The following ITGB1 variants were observed in gnomAD, a reference collection of about 807,000 sequenced individuals.
The protein encoded by ITGB1 is integrin beta-1.
Under a neutral mutation model 86.5 loss-of-function variants are expected in ITGB1, and 24 were observed. The ratio of observed to expected loss-of-function variants is 0.28; its 90% CI spans 0.20 to 0.39. ITGB1 has a LOEUF of 0.39. Ranked by LOEUF, ITGB1 falls within the 10% of genes least tolerant of loss-of-function variation. The pLI is 1.00. For synonymous variants in ITGB1, 323 were observed against 316.8 expected, an observed-to-expected ratio of 1.02 and a Z score of -0.21; for missense variants, 556 against 946.9, an observed-to-expected ratio of 0.59 and a Z score of 5.42.
chr10:32,914,421 T>A (rs995636742), intron 11 of ITGB1, among the ~76,000 whole-genome samples: 13 of 151,922 alleles, frequency 8.6e-5, no homozygotes, highest in African/African-American at 3.1e-4. Context: ...AGGAGACCCA[T>A]CTCACGTGCA....
Position 32,917,271 on chromosome 10 carries a change from C to T in ITGB1, c.1469+2614G>A, listed in dbSNP as rs2094934832. 3.3e-5 allele frequency among the ~76,000 whole-genome samples: 5 copies of T among 152,332 alleles called. No homozygotes were observed. In the South Asian group the frequency reaches 1.0e-3, roughly 32 times the overall value. On this transcript the variant is annotated intron_variant, in intron 11 of 15. Coordinates refer to ENST00000302278, the MANE Select transcript of ITGB1 (RefSeq NM_002211.4). Reference sequence around the variant, plus strand: ...AAAATCTAGGCAATACCATTCAGGACATAGGCATAGGCAAGGACTTCATGA... The same window carrying T: ...AAAATCTAGGCAATACCATTCAGGATATAGGCATAGGCAAGGACTTCATGA...
intron 1 of ITGB1, chr10:32,944,686 C>T (rs2095027151): frequency 1.5e-6 from 1 of 663,100 alleles, no homozygotes; most frequent in Non-Finnish European, 2.9e-6. Flanking sequence ...AGGCAGAAGC[C>T]CTAGACTAAG....
chr10:32,957,404 C>T (rs1429469496), intron 1 of ITGB1, among the ~76,000 whole-genome samples: 14 of 152,214 alleles, frequency 9.2e-5, no homozygotes, highest in African/African-American at 3.4e-4. Flanking sequence ...GGTCTGAGCA[C>T]AAGCTGGCCA....
chr10:32,905,823 G>A (rs569253057), intron 15 of ITGB1, among the ~76,000 whole-genome samples: 14 of 152,334 alleles, frequency 9.2e-5, no homozygotes, highest in African/African-American at 3.4e-4. Flanking sequence ...GGTAGGCAGT[G>A]AGAAAAGCAG....
chr10:32,926,108 TCCTGC>T lies in ITGB1; in HGVS notation c.548-4_548del. 6.2e-7 allele frequency: 1 copy of T among 1,606,212 alleles called. No individual in the cohort carries two copies. On this transcript the variant is annotated splice_acceptor_variant and splice_polypyrimidine_tract_variant and coding_sequence_variant and intron_variant, in exon 6 of 16. Transcript: ENST00000302278. LOFTEE classifies it high-confidence loss of function. ...CAGTCTTTTCCACAAATGAGCCAAA[TCCTGC>T]CAAGAAAAAAATGGTACATAAATGA...
chr10:32,903,900 C>T (rs1160329894), intron 15 of ITGB1, among the ~76,000 whole-genome samples: 1 of 151,266 alleles, frequency 6.6e-6, no homozygotes, highest in African/African-American at 2.4e-5. Flanking sequence ...CTACACATTC[C>T]TTCAAATATG....
chr10:32,913,681 G>T (rs991892329), intron 11 of ITGB1, among the ~76,000 whole-genome samples: 24 of 152,174 alleles, frequency 1.6e-4, no homozygotes, highest in Middle Eastern at 3.2e-3. Context: ...AGACCAAATC[G>T]ATGTCTGATT....
At chr10:32,948,970 T>TAAAAAAAAAAAAAA (rs1565834469) in intron 1 of ITGB1, among the ~76,000 whole-genome samples, 11 of 64,632 alleles carry the variant, frequency 1.7e-4, no homozygotes, top group Non-Finnish European at 3.6e-4. Context: ...TGTGGATTAC[T>TAAAAAAAAAAAAAA]GAAAAAAAAA....
chr10:32,940,633 T>A (rs780545248), intron 1 of ITGB1, among the ~76,000 whole-genome samples: 26 of 152,216 alleles, frequency 1.7e-4, no homozygotes, highest in Non-Finnish European at 3.4e-4. Context: ...GGCACATAAC[T>A]GTGTAACTGA....
intron 1 of ITGB1, among the ~76,000 whole-genome samples, chr10:32,953,235 T>C (rs893088086): frequency 3.3e-5 from 5 of 152,246 alleles, no homozygotes; most frequent in Non-Finnish European, 7.3e-5. Context: ...GAATATTACA[T>C]GGTACAGTAT....
Position 32,928,267 on chromosome 10 carries a change from A to G in ITGB1, c.377-3T>C. On this transcript the variant is annotated splice_polypyrimidine_tract_variant and splice_region_variant and intron_variant, in intron 4 of 15. Transcript: ENST00000302278. ...TAATGTAAATGTCTGTGGCTCCCCT[A>G]ATTAGACAAGAGATTAGAAAATGAA... is the stretch of plus-strand genomic sequence containing the variant. The G allele has an allele frequency of 1.2e-6, 1 of 851,734 alleles. No homozygotes were observed. Among genetic ancestry groups the G allele is most frequent in the Admixed American group, 1.9e-5 (1 of 51,710 alleles). 52.8% of individuals were successfully genotyped at this position (851,734 alleles called of 1,614,324 possible).
intron 11 of ITGB1, among the ~76,000 whole-genome samples, chr10:32,915,449 C>T (rs1211944005): frequency 6.6e-6 from 1 of 152,014 alleles, no homozygotes; most frequent in African/African-American, 2.4e-5. Flanking sequence ...AGAGAAGAAT[C>T]AAATAGATGC....
At chr10:32,957,619 C>G (rs1243488080) in intron 1 of ITGB1, 1 of 152,170 alleles carries the variant, frequency 6.6e-6, no homozygotes, top group Non-Finnish European at 1.5e-5. Context: ...GACCAGTCCC[C>G]GTCGCGGGCG....
chr10:32,916,075 A>G (rs1272106062), intron 11 of ITGB1, among the ~76,000 whole-genome samples: 1 of 152,244 alleles, frequency 6.6e-6, no homozygotes, highest in African/African-American at 2.4e-5. Context: ...GATTATCTCA[A>G]TAAATGCAGA....
intron 1 of ITGB1, among the ~76,000 whole-genome samples, chr10:32,948,996 C>T (rs1440395574): frequency 1.1e-5 from 1 of 93,148 alleles, no homozygotes; most frequent in Non-Finnish European, 3.0e-5. Flanking sequence ...ACTGACTTCT[C>T]AATTGAGAGG....
intron 1 of ITGB1, among the ~76,000 whole-genome samples, chr10:32,949,785 A>G (rs2095039174): frequency 6.6e-6 from 1 of 152,164 alleles, no homozygotes; most frequent in Non-Finnish European, 1.5e-5. Context: ...TCATGTTCAA[A>G]CTTTTAAATA....
chr10:32,908,040 A>C (rs769886507), intron 15 of ITGB1, among the ~76,000 whole-genome samples: 24 of 152,160 alleles, frequency 1.6e-4, no homozygotes, highest in Non-Finnish European at 2.6e-4. Flanking sequence ...TTTCCATTGA[A>C]TAGCTTGCTA....
chr10:32,924,375 T>C (rs1023787492), intron 6 of ITGB1, among the ~76,000 whole-genome samples: 4 of 152,268 alleles, frequency 2.6e-5, no homozygotes, highest in African/African-American at 9.6e-5. Flanking sequence ...TTCTTGTCAC[T>C]ATGGTAATTT....
intron 1 of ITGB1, among the ~76,000 whole-genome samples, chr10:32,941,761 ACAAACAATGATTAGAAGGTAG>A (rs1183597490): frequency 6.6e-6 from 1 of 152,238 alleles, no homozygotes; most frequent in Admixed American, 6.5e-5. Context: ...AAGAAGACGA[ACAAACAATGATTAGAAGGTAG>A]CTATGAGGGA....
Sources: allele counts gnomAD v4.1 joint callset (sites outside exome capture counted in the v4.1 genomes callset), GRCh38; gene constraint gnomAD v4.1.1; transcripts MANE v1.5; gene names NCBI Gene and HGNC (gene_info 2026-07-23, HGNC 2026-07-21).